Variants in GULP1 observed in about 807,000 individuals in gnomAD.
GULP1 encodes PTB domain-containing engulfment adapter protein 1.
Under a neutral mutation model 40.9 loss-of-function variants are expected in GULP1, and 19 were observed. That is an observed-to-expected ratio of 0.46 (90% CI 0.32 to 0.68). The LOEUF (loss-of-function observed/expected upper bound fraction) is 0.68, where lower values mean the gene tolerates loss of function less well. GULP1 is among the 30% of genes least tolerant of loss of function. The pLI is 0.03. For synonymous variants in GULP1, 119 were observed against 117.6 expected (o/e 1.01, Z -0.08); for missense variants, 312 against 362.2 (o/e 0.86, Z 1.12).
In GULP1 at chr2:188,388,785, T is replaced by G. The variant is rs2050131187; in HGVS notation, c.-45+4896T>G. ...GAGTTTATAATGTAGCAGATGTACCTGTATGACAAACAAATGAATAGAATA... is the reference window on the plus strand; with the variant it reads ...GAGTTTATAATGTAGCAGATGTACCGGTATGACAAACAAATGAATAGAATA... On this transcript the variant is annotated intron_variant, in intron 2 of 11. Transcript: ENST00000409830. 2.0e-5 allele frequency among the ~76,000 whole-genome samples: 3 copies of G among 152,290 alleles called. No homozygotes were observed. The South Asian group carries it at 6.2e-4, about 32-fold the overall frequency.
intron 7 of GULP1, among the ~76,000 whole-genome samples, chr2:188,554,250 A>G (rs999975492): frequency 6.6e-6 from 1 of 151,784 alleles, no homozygotes; most frequent in East Asian, 1.9e-4. Flanking sequence ...TTAACATGTT[A>G]TCTTTCTACA....
At chr2:188,521,027 T>C (rs1379998910) in intron 4 of GULP1, among the ~76,000 whole-genome samples, 1 of 152,090 alleles carries the variant, frequency 6.6e-6, no homozygotes, top group African/African-American at 2.4e-5. Context: ...ATTCCACTTA[T>C]GGAATTTTTG....
intron 1 of GULP1, among the ~76,000 whole-genome samples, chr2:188,324,476 C>T (rs184962279): frequency 4.4e-4 from 67 of 152,088 alleles, no homozygotes; most frequent in African/African-American, 1.5e-3. Context: ...TTTTTCCCTC[C>T]CTTATTAGAT....
At chr2:188,396,538 G>A (rs951759357) in intron 2 of GULP1, among the ~76,000 whole-genome samples, 3 of 152,224 alleles carry the variant, frequency 2.0e-5, no homozygotes, top group Admixed American at 2.0e-4. Flanking sequence ...AGCAAGCTAA[G>A]TTCCAGGTAG....
chr2:188,365,858 C>T (rs926392906), intron 1 of GULP1, among the ~76,000 whole-genome samples: 5 of 152,178 alleles, frequency 3.3e-5, no homozygotes, highest in African/African-American at 9.7e-5. Flanking sequence ...GGTATATGCA[C>T]ATTTGAAAGC....
In GULP1 at chr2:188,411,124, G is replaced by C. The variant is rs188914333; in HGVS notation, c.-45+27235G>C. On this transcript the variant is annotated intron_variant, in intron 2 of 11. Transcript: ENST00000409830. ...TAAATGTGAGCTTCACTGGCTGATCGGGGCATGGCTGTGACTCTTTACAGC... is the reference window on the plus strand; with the variant it reads ...TAAATGTGAGCTTCACTGGCTGATCCGGGCATGGCTGTGACTCTTTACAGC... 2.3e-3 allele frequency among the ~76,000 whole-genome samples: 352 copies of C among 150,878 alleles called. 4 individuals carry two copies. Among genetic ancestry groups the C allele is most frequent in the Non-Finnish European group, 4.1e-3 (278 of 67,982 alleles).
intron 2 of GULP1, among the ~76,000 whole-genome samples, chr2:188,454,371 G>C (rs2059085334): frequency 6.6e-6 from 1 of 152,132 alleles, no homozygotes; most frequent in Non-Finnish European, 1.5e-5. Flanking sequence ...ATGCAAAAAG[G>C]TTAAAACAAA....
chr2:188,351,778 A>G (rs1009090499), intron 1 of GULP1, among the ~76,000 whole-genome samples: 1 of 152,130 alleles, frequency 6.6e-6, no homozygotes, highest in Non-Finnish European at 1.5e-5. Context: ...TAGTCATATC[A>G]TGCTCTTCCT....
At chr2:188,344,681 C>A (rs140593533) in intron 1 of GULP1, among the ~76,000 whole-genome samples, 1 of 152,256 alleles carries the variant, frequency 6.6e-6, no homozygotes, top group East Asian at 1.9e-4. Context: ...ACTGGGTCAT[C>A]CAGTTGTGTG....
At chr2:188,581,406 A>C (rs1239782866) in intron 9 of GULP1, among the ~76,000 whole-genome samples, 2 of 152,182 alleles carry the variant, frequency 1.3e-5, no homozygotes, top group African/African-American at 4.8e-5. Flanking sequence ...GCATTGATGG[A>C]GCAGGCACCT....
intron 6 of GULP1, among the ~76,000 whole-genome samples, chr2:188,540,503 T>C (rs1690198683): frequency 6.6e-6 from 1 of 152,018 alleles, no homozygotes; most frequent in Non-Finnish European, 1.5e-5. Flanking sequence ...GCAGTATTTG[T>C]CTTCTACTGA....
chr2:188,450,317 ACT>A lies in GULP1; in HGVS notation c.-44-27339_-44-27338del, dbSNP rs1237705734. 9.9e-5 allele frequency among the ~76,000 whole-genome samples: 15 copies of A among 152,198 alleles called. No individual in the cohort carries two copies. In the East Asian group the frequency reaches 2.5e-3, roughly 25 times the overall value. On this transcript the variant is annotated intron_variant, in intron 2 of 11. Coordinates refer to ENST00000409830, the MANE Select transcript of GULP1 (RefSeq NM_016315.4). ...TATCATAATATTTATGTATGTAATC[ACT>A]CTAGGTTTATAATAAATAACAGTTA...
intron 9 of GULP1, among the ~76,000 whole-genome samples, chr2:188,579,993 C>T (rs1002817616): frequency 6.6e-6 from 1 of 152,156 alleles, no homozygotes; most frequent in African/African-American, 2.4e-5. Context: ...TATCTTTACT[C>T]AGTACAGACA....
At chr2:188,437,376 A>G (rs1205333753) in intron 2 of GULP1, among the ~76,000 whole-genome samples, 6 of 152,088 alleles carry the variant, frequency 3.9e-5, no homozygotes, top group East Asian at 1.9e-4. Context: ...TGTTTGTTCT[A>G]TTTAGAGGTG....
chr2:188,567,680 T>A (rs1161042864), intron 7 of GULP1, among the ~76,000 whole-genome samples: 1 of 152,000 alleles, frequency 6.6e-6, no homozygotes, highest in East Asian at 1.9e-4. Context: ...GATGGGTCAA[T>A]AGGTGCAGCA....
At position 188,551,730 on chromosome 2, in the gene GULP1, G is replaced by GT. The variant is rs199610217; in HGVS notation, c.399+10421dup. Among the ~76,000 whole-genome samples, 400 of 150,760 alleles carry GT rather than the reference G, an allele frequency of 2.7e-3. 2 individuals carry two copies. The highest frequency in any genetic ancestry group is 8.8e-3 in the African/African-American group (362 of 41,264). On this transcript the variant is annotated intron_variant, in intron 7 of 11. Coordinates refer to ENST00000409830, the MANE Select transcript of GULP1 (RefSeq NM_016315.4). ...GATCAAATGATAAGTATATTTGCAG[G>GT]TTTTTTTTTGAAATCTTCATACTGT...
intron 4 of GULP1, among the ~76,000 whole-genome samples, chr2:188,513,726 A>G (rs1161318466): frequency 6.6e-6 from 1 of 152,154 alleles, no homozygotes; most frequent in Non-Finnish European, 1.5e-5. Context: ...ATTGTGCAAG[A>G]CACACACTTG....
chr2:188,443,167 T>C (rs572996232), intron 2 of GULP1, among the ~76,000 whole-genome samples: 1 of 149,562 alleles, frequency 6.7e-6, no homozygotes, highest in Non-Finnish European at 1.5e-5. Context: ...AGAGATATGG[T>C]ACACTTAGCT....
intron 1 of GULP1, among the ~76,000 whole-genome samples, chr2:188,368,758 G>T (rs2047142646): frequency 6.6e-6 from 1 of 151,308 alleles, no homozygotes; most frequent in Admixed American, 6.6e-5. Flanking sequence ...CTTTGAATTA[G>T]CTATAGAACA....
Sources: allele counts gnomAD v4.1 joint callset (sites outside exome capture counted in the v4.1 genomes callset), GRCh38; gene constraint gnomAD v4.1.1; transcripts MANE v1.5; gene names NCBI Gene and HGNC (gene_info 2026-07-23, HGNC 2026-07-21).